Variants in NCBP1 observed in about 807,000 individuals in gnomAD.
NCBP1 encodes nuclear cap binding protein subunit 1.
In NCBP1, 16 loss-of-function variants were observed where a neutral mutation model predicts 111.7. The ratio of observed to expected loss-of-function variants is 0.14; its 90% CI spans 0.10 to 0.22. The LOEUF (loss-of-function observed/expected upper bound fraction) is 0.22, where lower values mean the gene tolerates loss of function less well. Among genes scored for constraint, NCBP1 ranks in the 10% least tolerant of loss-of-function variants. The probability of loss-of-function intolerance (pLI) is 1.00; values close to 1 mark genes in which losing one functional copy is unlikely to be tolerated. For missense variants in NCBP1, 607 were observed against 957.5 expected, an observed-to-expected ratio of 0.63 and a Z score of 4.83; for synonymous variants, 304 against 314.3, an observed-to-expected ratio of 0.97 and a Z score of 0.35.
chr9:97,646,146 A>G (rs1260697188), intron 6 of NCBP1, among the ~76,000 whole-genome samples: 1 of 152,202 alleles, frequency 6.6e-6, no homozygotes, highest in African/African-American at 2.4e-5. Flanking sequence ...CAAGTGGAGA[A>G]CCACTGTCCT....
In NCBP1 at chr9:97,645,631, G is replaced by C. The variant is rs767554417; in HGVS notation, c.510G>C (p.Val170=). ...TTTAGGTGCGACGAGATTGGTATGT[G>C]TATGCATTTCTGTCATCTTTGCCCT... is the stretch of plus-strand genomic sequence containing the variant. ...DVPQVRRDWY[V]YAFLSSLPWV... Residue 170 remains valine (V), a synonymous_variant, in exon 6 of 23, where the codon GTG becomes GTC. Coordinates refer to ENST00000375147, the MANE Select transcript of NCBP1 (RefSeq NM_002486.5). 1 of 1,613,850 alleles carries C rather than the reference G, an allele frequency of 6.2e-7. No homozygotes were observed. Among genetic ancestry groups the C allele is most frequent in the Non-Finnish European group, 8.5e-7 (1 of 1,179,792 alleles).
At position 97,672,494 on chromosome 9, in the gene NCBP1, G is replaced by A. The variant is rs1234396723; in HGVS notation, c.*1295G>A. On this transcript the variant is annotated 3_prime_UTR_variant, in exon 23 of 23. Coordinates refer to ENST00000375147, the MANE Select transcript of NCBP1 (RefSeq NM_002486.5). ...AATACAAAATATCCAGAAAAATCCA[G>A]GTTGCGTGGCTGGTTAGTAAAGGAC... is the stretch of plus-strand genomic sequence containing the variant. The A allele has an allele frequency of 6.6e-6, 1 of 152,192 alleles. No individual in the cohort carries two copies. The highest frequency in any genetic ancestry group is 1.5e-5 in the Non-Finnish European group (1 of 68,034). The allele number at this position is 152,192 out of a possible 1,614,324, so 9.4% of individuals were successfully genotyped here.
Position 97,669,677 on chromosome 9 carries a change from A to T in NCBP1, c.2230A>T (p.Ile744Leu). ...SVLTPWYKNC[I>L]ERLQQIFLQH... ...ATTAACACCATGGTATAAGAACTGT[A>T]TAGAGAGGCTGCAGCAGATCTTCCT... is the stretch of plus-strand genomic sequence containing the variant. Residue 744 changes from isoleucine to leucine, a missense_variant, in exon 22 of 23, where the codon ATA (isoleucine) becomes TTA (leucine). This residue lies in a region of NCBP1 where 282 missense variants were observed against 376.5 expected (regional missense o/e 0.75). Transcript: ENST00000375147. 1 of 1,608,478 alleles carries T rather than the reference A, an allele frequency of 6.2e-7. No individual in the cohort carries two copies. Among genetic ancestry groups the T allele is most frequent in the East Asian group, 2.2e-5 (1 of 44,852 alleles).
chr9:97,661,196 T>A, intron 16 of NCBP1, 128 bp downstream of exon 16: 1 of 1,075,132 alleles, frequency 9.3e-7, no homozygotes, highest in Non-Finnish European at 1.3e-6. Flanking sequence ...CAGACTGTTG[T>A]TCTTAGCACC....
Position 97,662,966 on chromosome 9 carries a change from C to T in NCBP1, c.1716C>T (p.Val572=), listed in dbSNP as rs1443723769. 3 of 1,612,000 alleles carry T rather than the reference C, an allele frequency of 1.9e-6. No homozygotes were observed. The highest frequency in any genetic ancestry group is 1.1e-5 in the South Asian group (1 of 90,832). The change falls in exon 18 of 23, where the codon GTC becomes GTT. Residue 572 remains valine (V), a synonymous_variant. Transcript: ENST00000375147. Reference sequence around the variant, plus strand: ...TCATTATCAAAAGGTTTCATGAAGTCTTCAAAACCCTAGCTGAAAGTGATG... The same window carrying T: ...TCATTATCAAAAGGTTTCATGAAGTTTTCAAAACCCTAGCTGAAAGTGATG... The part of the protein sequence containing the change: ...SFSALAKFHE[V]FKTLAESDEG...
Position 97,662,956 on chromosome 9 carries a change from T to C in NCBP1, c.1706T>C (p.Phe569Ser). Residue 569 changes from phenylalanine to serine, a missense_variant and splice_region_variant, in exon 18 of 23, where the codon TTT becomes TCT. Transcript: ENST00000375147. ...FSHSFSALAK[F>S]HEVFKTLAES... is the part of the protein sequence containing the mutation. ...TTTTTTCCCATCATTATCAAAAGGT[T>C]TCATGAAGTCTTCAAAACCCTAGCT... The C allele has an allele frequency of 1.9e-6, 3 of 1,608,052 alleles. No individual in the cohort carries two copies. In the South Asian group the frequency reaches 3.3e-5, roughly 18 times the overall value.
At position 97,651,389 on chromosome 9, in the gene NCBP1, G is replaced by A; in HGVS notation, c.1059+16G>A. 2 of 1,609,260 alleles carry A rather than the reference G, an allele frequency of 1.2e-6. No homozygotes were observed. Among genetic ancestry groups the A allele is most frequent in the Non-Finnish European group, 1.7e-6 (2 of 1,177,476 alleles). On this transcript the variant is annotated intron_variant, in intron 10 of 22. Transcript: ENST00000375147. ...CATAGTTGAGGTATGAATTCCATGTGGAGCGTGTTTCTGAGTTTCAGAATC... is the reference window on the plus strand; with the variant it reads ...CATAGTTGAGGTATGAATTCCATGTAGAGCGTGTTTCTGAGTTTCAGAATC...
At chr9:97,668,724 A>T in intron 20 of NCBP1, 122 bp from the exon 21 acceptor site, 1 of 1,061,608 alleles carries the variant, frequency 9.4e-7, no homozygotes, top group Non-Finnish European at 1.3e-6. Context: ...GTGGGGGGGT[A>T]CTTTCACTAT....
intron 18 of NCBP1, 79 bp downstream of exon 18, chr9:97,663,126 GT>G: frequency 8.9e-7 from 1 of 1,122,418 alleles, no homozygotes; most frequent in Non-Finnish European, 1.3e-6. Context: ...CCATTGTTTT[GT>G]TTGTAAAACA....
At chr9:97,662,567 A>C (rs191653467) in intron 17 of NCBP1, among the ~76,000 whole-genome samples, 1 of 152,206 alleles carries the variant, frequency 6.6e-6, no homozygotes, top group African/African-American at 2.4e-5. Flanking sequence ...GAAAGAGCAC[A>C]TAGATTTTCC....
chr9:97,667,449 A>G (rs1223005120), intron 20 of NCBP1, among the ~76,000 whole-genome samples: 1 of 152,160 alleles, frequency 6.6e-6, no homozygotes, highest in Non-Finnish European at 1.5e-5. Context: ...CCCTATAGGA[A>G]CCTTTCGCAA....
intron 22 of NCBP1, 31 bp from the exon 23 acceptor site, chr9:97,671,055 G>T: frequency 6.9e-7 from 1 of 1,447,024 alleles, no homozygotes; most frequent in South Asian, 1.2e-5. Flanking sequence ...GCTTTTTCCT[G>T]ACCTAACTAC....
Position 97,645,746 on chromosome 9 carries a change from T to C in NCBP1, c.611+14T>C. ...AAGCTATCTTAAGTAAGGGCACAGC[T>C]CATAGTACTCTTTGTTGCTTAGGTA... is the stretch of plus-strand genomic sequence containing the variant. On this transcript the variant is annotated intron_variant, in intron 6 of 22. Coordinates refer to ENST00000375147, the MANE Select transcript of NCBP1 (RefSeq NM_002486.5). The C allele has an allele frequency of 6.2e-7, 1 of 1,612,422 alleles. No homozygotes were observed. Among genetic ancestry groups the C allele is most frequent in the Non-Finnish European group, 8.5e-7 (1 of 1,178,946 alleles).
intron 19 of NCBP1, among the ~76,000 whole-genome samples, chr9:97,664,958 C>G (rs1477037521): frequency 3.3e-5 from 5 of 152,188 alleles, no homozygotes; most frequent in Non-Finnish European, 7.3e-5. Flanking sequence ...GCAGAAGATT[C>G]ATTCTGCCCT....
At position 97,634,918 on chromosome 9, in the gene NCBP1, T is replaced by G. The variant is rs144685035; in HGVS notation, c.34+1003T>G. On this transcript the variant is annotated intron_variant, in intron 1 of 22. Transcript: ENST00000375147. ...TGTAATACAGAAGTAATGATATTTA[T>G]ATCTTCTGGTTTTTGTGAAGGTTAA... 2.2e-3 allele frequency among the ~76,000 whole-genome samples: 328 copies of G among 152,348 alleles called. 1 individual carries two copies. Among genetic ancestry groups the G allele is most frequent in the African/African-American group, 7.7e-3 (319 of 41,574 alleles).
At chr9:97,647,646 AT>A in intron 7 of NCBP1, 85 bp downstream of exon 7, 1 of 1,166,934 alleles carries the variant, frequency 8.6e-7, no homozygotes, top group Non-Finnish European at 1.3e-6. Flanking sequence ...AGACCATTCC[AT>A]TTTACCCTTT....
At position 97,650,545 on chromosome 9, in the gene NCBP1, A is replaced by G. The variant is rs768217966; in HGVS notation, c.940A>G (p.Ile314Val). Residue 314 changes from isoleucine to valine, a missense_variant, in exon 9 of 23, where the codon ATA (isoleucine) becomes GTA (valine). By Grantham distance (29) the Ile-to-Val change is conservative. This residue lies in a region of NCBP1 where 53 missense variants were observed against 144.8 expected (regional missense o/e 0.37). Transcript: ENST00000375147. ...PGSHSVERFV[I>V]EENLHCIIKS... ...GAGTCATTCAGTGGAAAGATTTGTA[A>G]TAGAAGAGAATCTTCACTGCATCAT... is the stretch of plus-strand genomic sequence containing the variant. 2.5e-6 allele frequency: 4 copies of G among 1,613,602 alleles called. No individual in the cohort carries two copies. Among genetic ancestry groups the G allele is most frequent in the Non-Finnish European group, 2.5e-6 (3 of 1,179,656 alleles).
At chr9:97,634,529 A>T (rs1826938512) in intron 1 of NCBP1, 1 of 152,206 alleles carries the variant, frequency 6.6e-6, no homozygotes, top group African/African-American at 2.4e-5. Flanking sequence ...GTGCTAGAAA[A>T]CTAACTTCAG....
intron 1 of NCBP1, 105 bp downstream of exon 1, chr9:97,634,020 C>G: frequency 1.5e-6 from 2 of 1,325,000 alleles, no homozygotes; most frequent in Non-Finnish European, 1.0e-6. Flanking sequence ...TCCCCGGGAA[C>G]GTGCGGGGAG....
Sources: gnomAD v4.1 joint callset for allele counts (sites outside exome capture counted in the v4.1 genomes callset) on GRCh38, gnomAD v4.1.1 for gene constraint, gnomAD v4.1.1 regional missense constraint, MANE v1.5 for transcripts, NCBI Gene and HGNC (gene_info 2026-07-23, HGNC 2026-07-21) for gene names.